The following DOCK8 variants were observed in gnomAD, a reference collection of about 807,000 sequenced individuals.
The protein encoded by DOCK8 is dedicator of cytokinesis 8.
DOCK8 carries 141 observed loss-of-function variants against 245.6 expected under a neutral mutation model. The observed-to-expected ratio is 0.57, with a 90% confidence interval of 0.50 to 0.66. The LOEUF (loss-of-function observed/expected upper bound fraction) is 0.66, where lower values mean the gene tolerates loss of function less well. DOCK8 is among the 30% of genes least tolerant of loss of function. DOCK8 has a pLI of 0.00. For missense variants in DOCK8, 2,965 were observed against 2,603.4 expected (o/e 1.14, Z -3.02); for synonymous variants, 1,168 against 970.2 (o/e 1.20, Z -3.79).
At chr9:397,453 C>T (rs934696762) in intron 25 of DOCK8, among the ~76,000 whole-genome samples, 3 of 151,222 alleles carry the variant, frequency 2.0e-5, no homozygotes, top group African/African-American at 7.3e-5. Context: ...CTTTGGGAGG[C>T]AAGGGTGGTC....
Position 434,855 on chromosome 9 carries a change from C to T in DOCK8, c.4959C>T (p.Thr1653=). ...TCCAGAACATGGCAGAGAAACACAC[C>T]AAGAAGAAGTGCTACACGGAGGCTG... ...TWLQNMAEKH[T]KKKCYTEAAM... is the part of the protein sequence containing the mutation. The change falls in exon 39 of 48, where the codon ACC becomes ACT. Residue 1653 remains threonine (T), a synonymous_variant. Transcript: ENST00000432829. 2 of 1,614,088 alleles carry T rather than the reference C, an allele frequency of 1.2e-6. No individual in the cohort carries two copies. Among genetic ancestry groups the T allele is most frequent in the Non-Finnish European group, 8.5e-7 (1 of 1,180,038 alleles).
In DOCK8 at chr9:242,216, C is replaced by G. The variant is rs149225794; in HGVS notation, c.53+27187C>G. 2.0e-5 allele frequency among the ~76,000 whole-genome samples: 3 copies of G among 152,222 alleles called. No individual in the cohort carries two copies. The East Asian group carries it at 5.8e-4, about 29-fold the overall frequency. On this transcript the variant is annotated intron_variant, in intron 1 of 47. Coordinates refer to ENST00000432829, the MANE Select transcript of DOCK8 (RefSeq NM_203447.4). ...CTTTGTCCTTGTAAAAATTATCTGCCTAGTGGGTCCACTCCCCACCTCACC... is the reference window on the plus strand; with the variant it reads ...CTTTGTCCTTGTAAAAATTATCTGCGTAGTGGGTCCACTCCCCACCTCACC...
intron 8 of DOCK8, among the ~76,000 whole-genome samples, chr9:327,516 G>C (rs1405559069): frequency 1.3e-5 from 2 of 150,946 alleles, no homozygotes; most frequent in Non-Finnish European, 2.9e-5. Flanking sequence ...TCCCACCTCA[G>C]CGTCCCAAGT....
intron 1 of DOCK8, chr9:215,416 G>A: frequency 1.3e-6 from 2 of 1,524,158 alleles, no homozygotes; most frequent in Admixed American, 2.2e-5. Context: ...CTTCCTTTGA[G>A]GCAAGTCTGA....
intron 1 of DOCK8, among the ~76,000 whole-genome samples, chr9:265,170 G>C (rs1363744229): frequency 6.6e-6 from 1 of 152,172 alleles, no homozygotes; most frequent in Non-Finnish European, 1.5e-5. Flanking sequence ...GACCGCAGGT[G>C]ATCCACCCGC....
At chr9:333,600 CAA>C (rs55727463) in intron 10 of DOCK8, among the ~76,000 whole-genome samples, 3,990 of 121,114 alleles carry the variant, frequency 0.033, 160 homozygotes, top group African/African-American at 0.1. Context: ...GACTCTGTCT[CAA>C]AAAAAAAAAA....
Position 441,934 on chromosome 9 carries a change from G to C in DOCK8, c.5415G>C (p.Gly1805=). 1.2e-6 allele frequency: 2 copies of C among 1,614,018 alleles called. No individual in the cohort carries two copies. Among genetic ancestry groups the C allele is most frequent in the Non-Finnish European group, 8.5e-7 (1 of 1,179,984 alleles). The change falls in exon 42 of 48, where the codon GGG becomes GGC. Residue 1805 remains glycine, a synonymous_variant. Transcript: ENST00000432829. ...FRVGFFGSKF[G]DLDEQEFVYK... ...TTGGTTTCTTTGGATCCAAATTTGG[G>C]GATTTGGATGAACAGGAGTTTGTCT...
chr9:433,854 T>G, intron 37 of DOCK8, 21 bp from the exon 38 acceptor site: 5 of 1,584,394 alleles, frequency 3.2e-6, no homozygotes, highest in Non-Finnish European at 4.3e-6. Flanking sequence ...AAGATTATTT[T>G]GAGGCTTACA....
chr9:414,751 T>A (rs368021035), intron 28 of DOCK8, 31 bp from the exon 29 acceptor site: 229 of 1,613,964 alleles, frequency 1.4e-4, no homozygotes, highest in Non-Finnish European at 1.9e-4. Flanking sequence ...CCTTTCACCA[T>A]AACCTCTTGA....
At chr9:274,378 C>T (rs2048261240) in intron 2 of DOCK8, among the ~76,000 whole-genome samples, 2 of 152,120 alleles carry the variant, frequency 1.3e-5, no homozygotes, top group South Asian at 4.1e-4. Context: ...AATCTCTTTT[C>T]CCATCTCTTG....
chr9:246,547 C>G (rs7046576), intron 1 of DOCK8, among the ~76,000 whole-genome samples: 21,111 of 151,854 alleles, frequency 0.14, 1,846 homozygotes, highest in East Asian at 0.4. Flanking sequence ...AAAATGTTCC[C>G]TTAGATCCAT....
At chr9:344,138 C>CT (rs1379697180) in intron 14 of DOCK8, among the ~76,000 whole-genome samples, 1 of 152,146 alleles carries the variant, frequency 6.6e-6, no homozygotes, top group East Asian at 1.9e-4. Context: ...TTAGAAATGC[C>CT]AAGGCCACCC....
chr9:454,938 G>A lies in DOCK8; in HGVS notation c.6068+2821G>A, dbSNP rs906721260. 2.6e-5 allele frequency among the ~76,000 whole-genome samples: 4 copies of A among 152,192 alleles called. No individual in the cohort carries two copies. In the East Asian group the frequency reaches 5.8e-4, roughly 22 times the overall value. On this transcript the variant is annotated intron_variant, in intron 46 of 47. Transcript: ENST00000432829. ...ATACAAGAGGAAATGGACTTTCCTA[G>A]GGGTCGCTCCTTTAACAAAGTCATT... is the stretch of plus-strand genomic sequence containing the variant.
intron 25 of DOCK8, 71 bp from the exon 26 acceptor site, chr9:399,075 C>T: frequency 7.1e-7 from 1 of 1,414,506 alleles, no homozygotes; most frequent in Non-Finnish European, 9.9e-7. Context: ...TCCCAATGTT[C>T]CCACCAGTGA....
In DOCK8 at chr9:304,647, G is replaced by A. The variant is rs370904615; in HGVS notation, c.471G>A (p.Thr157=). The change falls in exon 5 of 48, where the codon ACG becomes ACA. Residue 157 remains threonine (T), a synonymous_variant. Coordinates refer to ENST00000432829, the MANE Select transcript of DOCK8 (RefSeq NM_203447.4). ...KTGSRKDFHK[T]LPKQTFESET... ...GATCTCGAAAAGATTTTCACAAGAC[G>A]CTTCCGAAACAGACGTTTGAGTCGG... 3.4e-5 allele frequency: 55 copies of A among 1,614,036 alleles called. No homozygotes were observed. Among genetic ancestry groups the A allele is most frequent in the African/African-American group, 3.2e-4 (24 of 74,918 alleles).
intron 4 of DOCK8, among the ~76,000 whole-genome samples, chr9:294,394 G>C (rs560668524): frequency 6.6e-6 from 1 of 152,176 alleles, no homozygotes; most frequent in Non-Finnish European, 1.5e-5. Flanking sequence ...TACCAACTGG[G>C]CATTAAACTG....
intron 14 of DOCK8, among the ~76,000 whole-genome samples, chr9:352,579 T>C (rs1369538822): frequency 1.3e-5 from 2 of 151,882 alleles, no homozygotes; most frequent in African/African-American, 4.8e-5. Flanking sequence ...CCATCTCTAC[T>C]AAAAATACAA....
intron 16 of DOCK8, among the ~76,000 whole-genome samples, chr9:370,697 T>G (rs942015962): frequency 2.0e-5 from 3 of 152,198 alleles, no homozygotes; most frequent in African/African-American, 7.2e-5. Flanking sequence ...ACTGTCTGCC[T>G]AGGCTGACCA....
intron 21 of DOCK8, among the ~76,000 whole-genome samples, chr9:382,010 T>G (rs2053739240): frequency 6.6e-6 from 1 of 152,030 alleles, no homozygotes. Context: ...CATAACCGCT[T>G]GTGAAAACAT....
Sources: gnomAD v4.1 joint callset for allele counts (sites outside exome capture counted in the v4.1 genomes callset) on GRCh38, gnomAD v4.1.1 for gene constraint, MANE v1.5 for transcripts, NCBI Gene and HGNC (gene_info 2026-07-23, HGNC 2026-07-21) for gene names.